The following ZNF398 variants were observed in gnomAD, a reference collection of about 807,000 sequenced individuals.
ZNF398 encodes the protein zinc finger DNA binding protein ZER6.
ZNF398 carries 18 observed loss-of-function variants against 41.9 expected under a neutral mutation model. That is an observed-to-expected ratio of 0.43 (90% confidence interval 0.30 to 0.64). The LOEUF is 0.64. Ranked by LOEUF, ZNF398 falls within the 30% of genes least tolerant of loss-of-function variation. ZNF398 has a pLI of 0.14. For missense variants in ZNF398, 669 were observed against 822.8 expected (o/e 0.81, Z 2.29); for synonymous variants, 260 against 308.8 (o/e 0.84, Z 1.66).
chr7:149,128,752 C>CAAAAA (rs1226194821), intron 1 of ZNF398: 5 of 12,370 alleles, frequency 4.0e-4, no homozygotes, highest in African/African-American at 1.1e-3. Flanking sequence ...GACTCTGTCT[C>CAAAAA]AAAAAAATAA....
chr7:149,135,389 C>CAAAA (rs777888671), intron 2 of ZNF398, among the ~76,000 whole-genome samples: 309 of 59,922 alleles, frequency 5.2e-3, no homozygotes, highest in Non-Finnish European at 5.7e-3. Context: ...GACTCTGTCT[C>CAAAA]AAAAAAAAAA....
chr7:149,178,896 G>C lies in ZNF398; in HGVS notation c.1024G>C (p.Val342Leu), dbSNP rs749201887. 2 of 1,613,978 alleles carry C rather than the reference G, an allele frequency of 1.2e-6. No homozygotes were observed. Among genetic ancestry groups the C allele is most frequent in the Non-Finnish European group, 1.7e-6 (2 of 1,180,010 alleles). The change falls in exon 6 of 6, where the codon GTG becomes CTG. Residue 342 changes from valine to leucine, a missense_variant. Physicochemically the swap from Val to Leu is conservative, Grantham distance 32 (BLOSUM62 1). Transcript: ENST00000475153. ...CCTCCCACCTCCAGTTGGCGAGCAG[G>C]TGTTCTCATGCCACCACTGTGGCAA... ...YPLPPPVGEQ[V>L]FSCHHCGKNL...
chr7:149,176,236 G>A (rs189776954), intron 4 of ZNF398, among the ~76,000 whole-genome samples: 1 of 151,990 alleles, frequency 6.6e-6, no homozygotes. Context: ...CCAGCTACTC[G>A]GGAGGCTGAG....
rs761464866 is a variant in ZNF398, at chr7:149,171,210, ATATACT to A, written c.661+4285_661+4290del. Among the ~76,000 whole-genome samples the A allele has an allele frequency of 4.4e-4, 66 of 151,458 alleles. 1 individual carries two copies. In the South Asian group the frequency reaches 0.012, roughly 28 times the overall value. On this transcript the variant is annotated intron_variant, in intron 4 of 5. Transcript: ENST00000475153. ...TACTGTATTACTTTATAATACAGTA[ATATACT>A]TATAATACTACTTTATAATATAGTA...
chr7:149,153,284 T>A (rs906251992), intron 1 of ZNF398, among the ~76,000 whole-genome samples: 1 of 152,122 alleles, frequency 6.6e-6, no homozygotes, highest in African/African-American at 2.4e-5. Flanking sequence ...CTAGGCAACA[T>A]AATGAGACAC....
chr7:149,157,368 A>G (rs1795003207), intron 2 of ZNF398, among the ~76,000 whole-genome samples: 1 of 151,168 alleles, frequency 6.6e-6, no homozygotes, highest in Non-Finnish European at 1.5e-5. Context: ...CCCCGTCTCT[A>G]CTAAAAAATA....
chr7:149,146,670 G>A (rs1213759295), upstream of ZNF398, among the ~76,000 whole-genome samples: 1 of 151,738 alleles, frequency 6.6e-6, no homozygotes, highest in African/African-American at 2.4e-5. Context: ...CCAACATGGT[G>A]AAACCCCGTC....
chr7:149,145,278 T>A (rs1826910629), upstream of ZNF398, among the ~76,000 whole-genome samples: 1 of 152,160 alleles, frequency 6.6e-6, no homozygotes, highest in African/African-American at 2.4e-5. Context: ...GCTTATCCTA[T>A]CACCACACAC....
chr7:149,161,445 G>A (rs923910123), intron 2 of ZNF398, among the ~76,000 whole-genome samples: 2 of 152,058 alleles, frequency 1.3e-5, no homozygotes, highest in African/African-American at 2.4e-5. Context: ...TTCCTGACTC[G>A]TCCCAGCTAC....
In ZNF398 at chr7:149,147,813, C is replaced by G; in HGVS notation, c.24+47C>G. The G allele has an allele frequency of 7.4e-7, 1 of 1,349,354 alleles. No individual in the cohort carries two copies. Among genetic ancestry groups the G allele is most frequent in the Non-Finnish European group, 9.5e-7 (1 of 1,049,284 alleles). 83.6% of individuals were successfully genotyped at this position (1,349,354 alleles called of 1,614,324 possible). Reference sequence around the variant, plus strand: ...TGTTGTGAGCCCCCGAGACCCAGACCCCGAGGGAGGAAGGCGGGCGGGCAG... The same window carrying G: ...TGTTGTGAGCCCCCGAGACCCAGACGCCGAGGGAGGAAGGCGGGCGGGCAG... On this transcript the variant is annotated intron_variant, in intron 1 of 5. Transcript: ENST00000475153. The surrounding 1 kb of genome is among the most constrained non-coding windows in gnomAD (Gnocchi z 5.6).
In ZNF398 at chr7:149,147,968, A is replaced by T. The variant is rs890609767; in HGVS notation, c.24+202A>T. ...GTGAAACCGCCCACCCGGGGACACC[A>T]GGCTGGGCCGCAGGTCTGAGGGGCA... On this transcript the variant is annotated intron_variant, in intron 1 of 5. Coordinates refer to ENST00000475153, the MANE Select transcript of ZNF398 (RefSeq NM_170686.3). This position sits in a 1 kb window ranked among gnomAD's most constrained non-coding sequence, Gnocchi z 5.6. 6.6e-6 allele frequency among the ~76,000 whole-genome samples: 1 copy of T among 152,118 alleles called. No homozygotes were observed. Among genetic ancestry groups the T allele is most frequent in the African/African-American group, 2.4e-5 (1 of 41,450 alleles).
At chr7:149,129,672 G>A (rs1355490401) in intron 2 of ZNF398, among the ~76,000 whole-genome samples, 1 of 151,288 alleles carries the variant, frequency 6.6e-6, no homozygotes, top group Non-Finnish European at 1.5e-5. Flanking sequence ...GAGCCACTGC[G>A]CCTGGCCTAC....
chr7:149,128,001 A>G (rs1048272653), intron 1 of ZNF398, among the ~76,000 whole-genome samples: 3 of 152,198 alleles, frequency 2.0e-5, no homozygotes, highest in African/African-American at 7.2e-5. Context: ...AGTATGATAT[A>G]ACCTTTTGTG....
At chr7:149,137,545 CTAATT>C (rs1164404488) in intron 2 of ZNF398, among the ~76,000 whole-genome samples, 1 of 152,054 alleles carries the variant, frequency 6.6e-6, no homozygotes, top group African/African-American at 2.4e-5. Flanking sequence ...CCATGTCCGG[CTAATT>C]TTTGTATTTT....
intron 2 of ZNF398, among the ~76,000 whole-genome samples, chr7:149,161,556 C>A (rs1795104777): frequency 6.6e-6 from 1 of 152,124 alleles, no homozygotes; most frequent in African/African-American, 2.4e-5. Context: ...CAGAGTGAGA[C>A]CCTGTCTTAA....
Position 149,132,194 on chromosome 7 carries a change from CTT to C in ZNF398, c.-490+3267_-490+3268del, listed in dbSNP as rs35611997. 8.6e-3 allele frequency among the ~76,000 whole-genome samples: 970 copies of C among 113,346 alleles called. 6 individuals are homozygous for C. Among genetic ancestry groups the C allele is most frequent in the East Asian group, 0.047 (165 of 3,514 alleles). The allele number at this position is 113,346 out of a possible 152,430, so 74.4% of individuals were successfully genotyped here. On this transcript the variant is annotated intron_variant, in intron 2 of 6. Transcript: ENST00000426851. ...ACCGACTTCCTTATATTCTCTCTCT[CTT>C]TTTTTTTTTTTTTTTTGAGACAGAG... is the stretch of plus-strand genomic sequence containing the variant.
intron 2 of ZNF398, among the ~76,000 whole-genome samples, chr7:149,137,778 A>AT (rs36016292): frequency 0.076 from 11,536 of 152,188 alleles, 444 homozygotes; most frequent in Middle Eastern, 0.092. Flanking sequence ...TTGTCAAATC[A>AT]TTTTTCTGCA....
At chr7:149,126,461 G>T in exon 1 of ZNF398, 1 of 612,142 alleles carries the variant, frequency 1.6e-6, no homozygotes, top group Non-Finnish European at 2.7e-6. Flanking sequence ...GCGGGCCGCA[G>T]CACGCCGGTC....
chr7:149,156,861 CA>C (rs11400806), intron 2 of ZNF398, among the ~76,000 whole-genome samples: 6,891 of 141,130 alleles, frequency 0.049, 238 homozygotes, highest in South Asian at 0.085. Flanking sequence ...AACTCCATTT[CA>C]AAAAAAAAAA....
Sources: allele counts gnomAD v4.1 joint callset (sites outside exome capture counted in the v4.1 genomes callset), GRCh38; gene constraint gnomAD v4.1.1; non-coding constraint Gnocchi (gnomAD v3.1); transcripts MANE v1.5; gene names NCBI Gene and HGNC (gene_info 2026-07-23, HGNC 2026-07-21).